The following MVB12B variants were observed in gnomAD, a reference collection of about 807,000 sequenced individuals.
MVB12B encodes ESCRT-I complex subunit MVB12B.
A neutral mutation model predicts 41.6 loss-of-function variants in MVB12B; 16 were observed. That is an observed-to-expected ratio of 0.38 (90% CI 0.26 to 0.58). The LOEUF is 0.58. Ranked by LOEUF, MVB12B falls within the 20% of genes least tolerant of loss-of-function variation. MVB12B has a pLI of 0.62. For synonymous variants in MVB12B, 133 were observed against 139.7 expected (o/e 0.95, Z 0.34); for missense variants, 274 against 380.2 (o/e 0.72, Z 2.32).
At chr9:126,377,240 A>G (rs193110719) in intron 2 of MVB12B, among the ~76,000 whole-genome samples, 4 of 152,170 alleles carry the variant, frequency 2.6e-5, no homozygotes, top group African/African-American at 4.8e-5. Context: ...AAGAAATGCT[A>G]GGAGAGAGGT....
At chr9:126,430,085 CCTTA>C (rs1009118927) in intron 7 of MVB12B, among the ~76,000 whole-genome samples, 2 of 152,184 alleles carry the variant, frequency 1.3e-5, no homozygotes, top group Non-Finnish European at 1.5e-5. Flanking sequence ...GGTGCCCAGC[CCTTA>C]CTTGACTCTC....
chr9:126,419,416 C>T (rs535889899), intron 6 of MVB12B, among the ~76,000 whole-genome samples: 41 of 152,294 alleles, frequency 2.7e-4, no homozygotes, highest in African/African-American at 7.7e-4. Context: ...TTCTTGATAG[C>T]ATTTGAATAA....
intron 6 of MVB12B, among the ~76,000 whole-genome samples, chr9:126,399,016 A>ACTGCCTCTAGAAGCAGGAG (rs1413424237): frequency 6.6e-6 from 1 of 152,116 alleles, no homozygotes; most frequent in Non-Finnish European, 1.5e-5. Flanking sequence ...AAAAGCAGGA[A>ACTGCCTCTAGAAGCAGGAG]CTGCCTCTAG....
intron 9 of MVB12B, among the ~76,000 whole-genome samples, chr9:126,494,558 T>C (rs1402770052): frequency 6.6e-6 from 1 of 152,248 alleles, no homozygotes; most frequent in East Asian, 1.9e-4. Flanking sequence ...AGGATTTTCC[T>C]ACCCTTTTCT....
intron 7 of MVB12B, among the ~76,000 whole-genome samples, chr9:126,441,846 A>AGAGC: frequency 1.3e-5 from 2 of 152,260 alleles, no homozygotes; most frequent in Non-Finnish European, 2.9e-5. Context: ...GTGGACCATT[A>AGAGC]ATGATTAGAG....
At chr9:126,463,538 CTG>C (rs1312671709) in intron 7 of MVB12B, among the ~76,000 whole-genome samples, 3 of 152,338 alleles carry the variant, frequency 2.0e-5, no homozygotes, top group African/African-American at 7.2e-5. Flanking sequence ...TGCCGACACT[CTG>C]TGGCAGGTCT....
At chr9:126,472,339 G>A (rs1233980659) in intron 7 of MVB12B, among the ~76,000 whole-genome samples, 1 of 151,908 alleles carries the variant, frequency 6.6e-6, no homozygotes, top group Non-Finnish European at 1.5e-5. Context: ...GCCAGGCAAA[G>A]TTCCTACAGA....
intron 7 of MVB12B, among the ~76,000 whole-genome samples, chr9:126,474,103 G>A (rs1237748480): frequency 6.6e-6 from 1 of 152,182 alleles, no homozygotes; most frequent in Non-Finnish European, 1.5e-5. Context: ...TGTGAGTGCA[G>A]ACTGGTCAGG....
At chr9:126,496,829 GGTGTTTT>G (rs1489391156) in intron 9 of MVB12B, among the ~76,000 whole-genome samples, 2 of 152,038 alleles carry the variant, frequency 1.3e-5, no homozygotes, top group Non-Finnish European at 2.9e-5. Context: ...CTGGGTGGAA[GGTGTTTT>G]GTGAGATAGG....
chr9:126,453,520 G>A (rs948546013), intron 7 of MVB12B, among the ~76,000 whole-genome samples: 3 of 152,226 alleles, frequency 2.0e-5, no homozygotes, highest in African/African-American at 4.8e-5. Context: ...AGAGGAATCC[G>A]TTGCCAACAG....
chr9:126,492,924 C>T (rs933222027), intron 9 of MVB12B, among the ~76,000 whole-genome samples: 1 of 152,188 alleles, frequency 6.6e-6, no homozygotes, highest in Admixed American at 6.5e-5. Context: ...CTCACGCGAG[C>T]GTCTTCTGCT....
At chr9:126,403,950 CTTTTTTTTTTTTTT>C (rs36030597) in intron 6 of MVB12B, among the ~76,000 whole-genome samples, 1 of 104,732 alleles carries the variant, frequency 9.5e-6, no homozygotes, top group Non-Finnish European at 1.9e-5. Context: ...TCCTTTAAAT[CTTTTTTTTTTTTTT>C]TTTTTTTTTG....
At chr9:126,438,582 C>A (rs1388817953) in intron 7 of MVB12B, among the ~76,000 whole-genome samples, 1 of 152,188 alleles carries the variant, frequency 6.6e-6, no homozygotes, top group African/African-American at 2.4e-5. Context: ...CTCTCTATGG[C>A]TCAGCTGCTA....
intron 2 of MVB12B, among the ~76,000 whole-genome samples, chr9:126,345,347 G>A (rs749927202): frequency 6.6e-6 from 1 of 152,202 alleles, no homozygotes; most frequent in African/African-American, 2.4e-5. Context: ...CTCTTCTGGA[G>A]AAATCCCACC....
rs144495726 is a variant in MVB12B at position 126,367,975 on chromosome 9, T to C, written c.205-13089T>C. On this transcript the variant is annotated intron_variant, in intron 2 of 9. Coordinates refer to ENST00000361171, the MANE Select transcript of MVB12B (RefSeq NM_033446.3). The surrounding 1 kb of genome is among the most constrained non-coding windows in gnomAD (Gnocchi z 4.3). Reference sequence around the variant, plus strand: ...GAAAGAAAAGGAAAGACTTGTGTCCTGAAGAGATGAATTGCAGCTTAGTGA... The same window carrying C: ...GAAAGAAAAGGAAAGACTTGTGTCCCGAAGAGATGAATTGCAGCTTAGTGA... Among the ~76,000 whole-genome samples, 12 of 152,312 alleles carry C rather than the reference T, an allele frequency of 7.9e-5. No homozygotes were observed. Among genetic ancestry groups the C allele is most frequent in the Admixed American group, 1.3e-4 (2 of 15,298 alleles).
At chr9:126,348,385 G>T (rs1486435941) in intron 2 of MVB12B, among the ~76,000 whole-genome samples, 1 of 152,206 alleles carries the variant, frequency 6.6e-6, no homozygotes, top group Non-Finnish European at 1.5e-5. Flanking sequence ...TTAGCACAGT[G>T]CTGGCATCCA....
At chr9:126,479,045 G>T (rs1833472675) in intron 7 of MVB12B, among the ~76,000 whole-genome samples, 2 of 152,166 alleles carry the variant, frequency 1.3e-5, no homozygotes, top group African/African-American at 4.8e-5. Flanking sequence ...GGACCCTGCT[G>T]TCTGTCTAGC....
intron 7 of MVB12B, among the ~76,000 whole-genome samples, chr9:126,440,564 C>G (rs947303227): frequency 1.3e-5 from 2 of 152,112 alleles, no homozygotes; most frequent in African/African-American, 4.8e-5. Flanking sequence ...AAAAAAAAAG[C>G]CCAACAGGAA....
At chr9:126,390,083 T>G (rs1252493086) in intron 4 of MVB12B, among the ~76,000 whole-genome samples, 1 of 152,174 alleles carries the variant, frequency 6.6e-6, no homozygotes, top group African/African-American at 2.4e-5. Flanking sequence ...ATTCTGTTCC[T>G]CAATTTGAAT....
Sources: allele counts gnomAD v4.1 joint callset (sites outside exome capture counted in the v4.1 genomes callset), GRCh38; gene constraint gnomAD v4.1.1; non-coding constraint Gnocchi (gnomAD v3.1); transcripts MANE v1.5; gene names NCBI Gene and HGNC (gene_info 2026-07-23, HGNC 2026-07-21).